The following SOX6 variants were observed in gnomAD, a reference collection of about 807,000 sequenced individuals.
The protein encoded by SOX6 is transcription factor SOX-6.
In SOX6, 11 loss-of-function variants were observed where a neutral mutation model predicts 97.8. The ratio of observed to expected loss-of-function variants is 0.11; its 90% CI spans 0.07 to 0.19. SOX6 has a LOEUF of 0.19. Among genes scored for constraint, SOX6 ranks in the 10% least tolerant of loss-of-function variants. The pLI is 1.00. For synonymous variants in SOX6, 360 were observed against 371.4 expected (o/e 0.97, Z 0.35); for missense variants, 810 against 1,039.5 (o/e 0.78, Z 3.04).
At chr11:16,351,023 A>G (rs1042389227) in intron 1 of SOX6, among the ~76,000 whole-genome samples, 12 of 152,142 alleles carry the variant, frequency 7.9e-5, no homozygotes, top group African/African-American at 2.9e-4. Context: ...TACTGTTTTT[A>G]TCAAGCATCT....
rs1410610451 is a variant in SOX6, at chr11:16,605,252, C to T, written n.609+6829G>A. 6.6e-6 allele frequency among the ~76,000 whole-genome samples: 1 copy of T among 152,024 alleles called. No individual in the cohort carries two copies. Among genetic ancestry groups the T allele is most frequent in the Admixed American group, 6.5e-5 (1 of 15,270 alleles). Reference sequence around the variant, plus strand: ...TCAGGGACGCGGGGCGGGGAAGAAACGTGCCGGCGACCGTGCGCTCGGCCG... The same window carrying T: ...TCAGGGACGCGGGGCGGGGAAGAAATGTGCCGGCGACCGTGCGCTCGGCCG... On this transcript the variant is annotated intron_variant and non_coding_transcript_variant, in intron 4 of 5. Coordinates refer to the SOX6 transcript ENST00000524520. The surrounding 1 kb of genome is among the most constrained non-coding windows in gnomAD (Gnocchi z 5.3).
At chr11:16,559,854 C>G (rs1267438635) in intron 4 of SOX6, among the ~76,000 whole-genome samples, 2 of 152,100 alleles carry the variant, frequency 1.3e-5, no homozygotes, top group African/African-American at 2.4e-5. Flanking sequence ...GCAATATTCA[C>G]TTTTGAACCC....
chr11:16,481,746 T>C (rs190446574), intron 4 of SOX6, among the ~76,000 whole-genome samples: 159 of 152,260 alleles, frequency 1.0e-3, no homozygotes, highest in Non-Finnish European at 1.8e-3. Context: ...TTGAGTCCAG[T>C]GGTTCTCAGA....
intron 9 of SOX6, among the ~76,000 whole-genome samples, chr11:16,069,364 T>G (rs1299948709): frequency 1.3e-5 from 2 of 152,210 alleles, no homozygotes; most frequent in Admixed American, 6.5e-5. Flanking sequence ...TCATACATAC[T>G]CATTTCTCGT....
At chr11:16,235,690 G>A (rs542880502) in intron 3 of SOX6, among the ~76,000 whole-genome samples, 24 of 151,986 alleles carry the variant, frequency 1.6e-4, no homozygotes, top group African/African-American at 5.3e-4. Flanking sequence ...TTTCTCTCTC[G>A]TATCAGCACC....
intron 9 of SOX6, among the ~76,000 whole-genome samples, chr11:16,080,862 T>G (rs569136236): frequency 6.6e-6 from 1 of 152,106 alleles, no homozygotes; most frequent in Non-Finnish European, 1.5e-5. Context: ...AAGAGGCCCT[T>G]TGTTAACTAA....
intron 9 of SOX6, among the ~76,000 whole-genome samples, chr11:16,078,513 T>C (rs1219842953): frequency 1.3e-5 from 2 of 152,212 alleles, no homozygotes; most frequent in African/African-American, 4.8e-5. Flanking sequence ...AATTTCTTAG[T>C]AAACAAAAGG....
chr11:16,360,495 T>C (rs1857184710), upstream of SOX6, among the ~76,000 whole-genome samples: 1 of 152,172 alleles, frequency 6.6e-6, no homozygotes, highest in Non-Finnish European at 1.5e-5. Context: ...CTCCTATATG[T>C]TTATGTTCCA....
chr11:16,249,284 A>G (rs1186948400), intron 3 of SOX6, among the ~76,000 whole-genome samples: 4 of 152,120 alleles, frequency 2.6e-5, no homozygotes, highest in African/African-American at 9.7e-5. Flanking sequence ...TTCTTCTGCC[A>G]GATATCTTAA....
At chr11:16,275,892 A>G (rs1237396172) in intron 3 of SOX6, among the ~76,000 whole-genome samples, 1 of 152,194 alleles carries the variant, frequency 6.6e-6, no homozygotes, top group Non-Finnish European at 1.5e-5. Context: ...TTCATATTGT[A>G]ATATTTGTAG....
chr11:16,698,944 T>C (rs1848073070), intron 3 of SOX6, among the ~76,000 whole-genome samples: 1 of 152,222 alleles, frequency 6.6e-6, no homozygotes, highest in African/African-American at 2.4e-5. Context: ...GGTTGAAATA[T>C]TGCAAGAATT....
chr11:16,017,009 A>C (rs921754129), intron 12 of SOX6, among the ~76,000 whole-genome samples: 1 of 152,082 alleles, frequency 6.6e-6, no homozygotes, highest in Non-Finnish European at 1.5e-5. Flanking sequence ...CAGTAAAATA[A>C]AATAAAATAA....
At chr11:16,695,314 C>T (rs1848045667) in intron 3 of SOX6, among the ~76,000 whole-genome samples, 1 of 152,120 alleles carries the variant, frequency 6.6e-6, no homozygotes, top group African/African-American at 2.4e-5. Context: ...AAAATTCTAT[C>T]CAACACAAAA....
chr11:16,077,919 T>C (rs1025328608), intron 9 of SOX6, among the ~76,000 whole-genome samples: 2 of 151,684 alleles, frequency 1.3e-5, no homozygotes, highest in African/African-American at 2.4e-5. Flanking sequence ...ATGCAATCTA[T>C]CTAAATAACA....
intron 3 of SOX6, among the ~76,000 whole-genome samples, chr11:16,636,828 G>A (rs1167991991): frequency 3.9e-5 from 6 of 152,124 alleles, no homozygotes; most frequent in Non-Finnish European, 7.4e-5. Flanking sequence ...GCACATCCTT[G>A]CTGCTGCCAT....
intron 6 of SOX6, among the ~76,000 whole-genome samples, chr11:16,115,794 C>T (rs1432012128): frequency 6.6e-6 from 1 of 152,140 alleles, no homozygotes; most frequent in Non-Finnish European, 1.5e-5. Context: ...CAAAGAAAAC[C>T]TGGAAGTCTC....
rs536875049 is a variant in SOX6, at chr11:16,032,752, C to T, written c.1623+13762G>A. Among the ~76,000 whole-genome samples the T allele has an allele frequency of 8.5e-5, 13 of 152,222 alleles. No homozygotes were observed. In the East Asian group the frequency reaches 2.5e-3, roughly 29 times the overall value. ...CTGCCCCTCTCTAACTCAGAGTACACTTCTCTCTTGATTGAGCTGTCCTCC... is the reference window on the plus strand; with the variant it reads ...CTGCCCCTCTCTAACTCAGAGTACATTTCTCTCTTGATTGAGCTGTCCTCC... On this transcript the variant is annotated intron_variant, in intron 12 of 15. Coordinates refer to ENST00000683767, the MANE Select transcript of SOX6 (RefSeq NM_001367873.1).
At chr11:16,636,985 A>C (rs185747247) in intron 3 of SOX6, among the ~76,000 whole-genome samples, 19 of 152,328 alleles carry the variant, frequency 1.2e-4, no homozygotes, top group African/African-American at 4.3e-4. Flanking sequence ...GCCTGAGAAC[A>C]GAATAATAGA....
intron 9 of SOX6, among the ~76,000 whole-genome samples, chr11:16,076,804 A>G (rs1446875175): frequency 1.6e-5 from 2 of 126,236 alleles, no homozygotes; most frequent in Non-Finnish European, 1.6e-5. Context: ...CGGACTGCGG[A>G]CTGCAGTGGC....
Sources: allele counts gnomAD v4.1 joint callset (sites outside exome capture counted in the v4.1 genomes callset), GRCh38; gene constraint gnomAD v4.1.1; non-coding constraint Gnocchi (gnomAD v3.1); transcripts MANE v1.5; gene names NCBI Gene and HGNC (gene_info 2026-07-23, HGNC 2026-07-21).